The following WDFY4 variants were observed in gnomAD, a reference collection of about 807,000 sequenced individuals.
The protein encoded by WDFY4 is WD repeat- and FYVE domain-containing protein 4.
WDFY4 carries 169 observed loss-of-function variants against 351.9 expected under a neutral mutation model. The observed-to-expected ratio is 0.48, with a 90% CI of 0.42 to 0.55. The LOEUF (loss-of-function observed/expected upper bound fraction) is 0.55. Ranked by LOEUF, WDFY4 falls within the 20% of genes least tolerant of loss-of-function variation. The pLI, the probability that WDFY4 is intolerant of heterozygous loss-of-function variation, is 0.00. For synonymous variants in WDFY4, 1,622 were observed against 1,574.6 expected (o/e 1.03, Z -0.71); for missense variants, 3,803 against 3,935.6 (o/e 0.97, Z 0.90).
chr10:48,754,136 CT>C (rs890335006), intron 12 of WDFY4, among the ~76,000 whole-genome samples: 1 of 151,696 alleles, frequency 6.6e-6, no homozygotes, highest in Non-Finnish European at 1.5e-5. Context: ...ACATATAATC[CT>C]TTTAATATGC....
At chr10:48,910,333 C>A in intron 47 of WDFY4, 1 of 1,280,862 alleles carries the variant, frequency 7.8e-7, no homozygotes, top group Non-Finnish European at 1.1e-6. Context: ...GCAGAGGTCA[C>A]ACCAGCTCAC....
intron 28 of WDFY4, 124 bp downstream of exon 28, chr10:48,808,082 T>C: frequency 1.3e-6 from 1 of 744,690 alleles, no homozygotes; most frequent in Non-Finnish European, 2.0e-6. Context: ...TTTCCTGCAC[T>C]AGTCAGAAAG....
chr10:48,703,836 G>A (rs2063547653), intron 1 of WDFY4, among the ~76,000 whole-genome samples: 1 of 152,190 alleles, frequency 6.6e-6, no homozygotes, highest in South Asian at 2.1e-4. Flanking sequence ...GCCTGGTGTG[G>A]GTTGTTACAA....
rs536330314 is a variant in WDFY4 at position 48,700,554 on chromosome 10, G to A, written c.-17-9162G>A. Among the ~76,000 whole-genome samples the A allele has an allele frequency of 3.9e-5, 6 of 152,348 alleles. No homozygotes were observed. The South Asian group carries it at 8.3e-4, about 21-fold the overall frequency. Reference sequence around the variant, plus strand: ...AATCCCTCCAATACAATGCCATCATGTGGCAAATGTTTACTGAAGCCTTGG... The same window carrying A: ...AATCCCTCCAATACAATGCCATCATATGGCAAATGTTTACTGAAGCCTTGG... On this transcript the variant is annotated intron_variant, in intron 1 of 61. Transcript: ENST00000325239.
Position 48,826,697 on chromosome 10 carries a change from G to A in WDFY4, c.6009G>A (p.Arg2003=). ...TCATTGAGACTGCCTCTTCTCAAAG[G>A]GACACTGTCCTCAGCACTTTATACA... ...MVVIETASSQ[R]DTVLSTLYSS... Residue 2003 remains arginine (R), a synonymous_variant, in exon 36 of 62, where the codon AGG becomes AGA. Transcript: ENST00000325239. The A allele has an allele frequency of 6.4e-7, 1 of 1,551,378 alleles. No individual in the cohort carries two copies. The highest frequency in any genetic ancestry group is 8.7e-7 in the Non-Finnish European group (1 of 1,146,844).
chr10:48,793,936 C>T (rs2066766882), intron 23 of WDFY4, among the ~76,000 whole-genome samples: 1 of 152,122 alleles, frequency 6.6e-6, no homozygotes, highest in African/African-American at 2.4e-5. Flanking sequence ...CAATAGCCAG[C>T]TGAGTTTTAT....
chr10:48,901,872 G>C lies in WDFY4; in HGVS notation c.7586+9G>C, dbSNP rs559997468. The C allele has an allele frequency of 5.8e-6, 9 of 1,551,134 alleles. No individual in the cohort carries two copies. The South Asian group carries it at 1.1e-4, about 18-fold the overall frequency. On this transcript the variant is annotated intron_variant, in intron 47 of 61. Transcript: ENST00000325239. The stretch of plus-strand genomic sequence containing the variant: ...GACACCCTCAGTCTAAGGTAATGGC[G>C]GGTAGCCATGCTGTCTGGGCATGGC...
chr10:48,932,924 G>C (rs1021794985), intron 47 of WDFY4, among the ~76,000 whole-genome samples: 2 of 152,156 alleles, frequency 1.3e-5, no homozygotes, highest in African/African-American at 4.8e-5. Context: ...AGGTCAAGGA[G>C]GGGAGGGCGA....
intron 1 of WDFY4, among the ~76,000 whole-genome samples, chr10:48,687,767 A>G (rs1046356617): frequency 3.9e-4 from 57 of 146,466 alleles, no homozygotes; most frequent in Middle Eastern, 3.7e-3. Flanking sequence ...GGTACATGCC[A>G]CCACACCTGG....
At chr10:48,917,869 GTA>G (rs1838691888) in intron 47 of WDFY4, among the ~76,000 whole-genome samples, 1 of 152,144 alleles carries the variant, frequency 6.6e-6, no homozygotes, top group Non-Finnish European at 1.5e-5. Flanking sequence ...CTTAAAATAT[GTA>G]TGTGATCGAA....
At chr10:48,845,565 T>G (rs2068747107) in intron 39 of WDFY4, among the ~76,000 whole-genome samples, 1 of 152,138 alleles carries the variant, frequency 6.6e-6, no homozygotes, top group Non-Finnish European at 1.5e-5. Context: ...AGGTTGATGG[T>G]GAGGAAGAGC....
intron 28 of WDFY4, among the ~76,000 whole-genome samples, chr10:48,808,957 GT>G (rs988096486): frequency 1.3e-5 from 2 of 152,006 alleles, no homozygotes; most frequent in South Asian, 2.1e-4. Flanking sequence ...ATGTAATTGT[GT>G]TTTTTTCATT....
intron 47 of WDFY4, among the ~76,000 whole-genome samples, chr10:48,940,918 T>C (rs983241362): frequency 6.6e-6 from 1 of 152,228 alleles, no homozygotes; most frequent in African/African-American, 2.4e-5. Context: ...TTCTTTGGTT[T>C]GATATTTAAG....
At chr10:48,796,125 A>C (rs1003939391) in intron 23 of WDFY4, among the ~76,000 whole-genome samples, 173 bp from the exon 24 acceptor site, 7 of 152,348 alleles carry the variant, frequency 4.6e-5, no homozygotes, top group African/African-American at 1.7e-4. Flanking sequence ...GTCAGGTCAT[A>C]GCACAGAAAA....
intron 55 of WDFY4, chr10:48,968,101 C>T (rs1020133433): frequency 2.0e-5 from 3 of 152,294 alleles, no homozygotes; most frequent in African/African-American, 7.2e-5. Context: ...TGATGCAGAT[C>T]TTACCAGCCA....
chr10:48,957,129 G>C lies in WDFY4; in HGVS notation c.7978G>C (p.Gly2660Arg). 6.5e-7 allele frequency: 1 copy of C among 1,549,304 alleles called. No homozygotes were observed. The change falls in exon 52 of 62, where the codon GGC (glycine) becomes CGC (arginine). Residue 2660 changes from glycine (G) to arginine (R), a missense_variant and splice_region_variant. Gly to Arg is a moderately radical substitution (Grantham distance 125). Transcript: ENST00000325239. ...GTCATGTTGGCTCCATTTCCCCCAG[G>C]GCGGAAGCTTCGACGTGGCAGACAG... ...PFTQAFCALQGGSFDVADRMF... is the reference protein window; with the variant it reads ...PFTQAFCALQRGSFDVADRMF...
intron 31 of WDFY4, among the ~76,000 whole-genome samples, chr10:48,815,861 A>G (rs2067602971): frequency 6.6e-6 from 1 of 152,024 alleles, no homozygotes; most frequent in Non-Finnish European, 1.5e-5. Context: ...GATTTCATGC[A>G]TCCTATAAAT....
intron 43 of WDFY4, chr10:48,877,983 A>G (rs1266109534): frequency 1.3e-5 from 2 of 152,264 alleles, no homozygotes; most frequent in Non-Finnish European, 2.9e-5. Flanking sequence ...ACCGCATGTC[A>G]CCTAACCGTT....
rs527684071 is a variant in WDFY4, at chr10:48,813,583, A to G, written c.5215-374A>G. Among the ~76,000 whole-genome samples the G allele has an allele frequency of 2.8e-3, 423 of 152,332 alleles. 2 individuals are homozygous for G. The highest frequency in any genetic ancestry group is 9.5e-3 in the African/African-American group (394 of 41,576). On this transcript the variant is annotated intron_variant, in intron 30 of 61. Coordinates refer to ENST00000325239, the MANE Select transcript of WDFY4 (RefSeq NM_001394531.1). The stretch of plus-strand genomic sequence containing the variant: ...CAGGCCATCCTGATTCTAAACCCTA[A>G]GTTTAGAATCTCTCTATACCTCTAC...
Sources: allele counts gnomAD v4.1 joint callset (sites outside exome capture counted in the v4.1 genomes callset), GRCh38; gene constraint gnomAD v4.1.1; transcripts MANE v1.5; gene names NCBI Gene and HGNC (gene_info 2026-07-23, HGNC 2026-07-21).